PTPRD: variants seen among roughly 807,000 people sequenced by gnomAD.
PTPRD encodes the protein protein tyrosine phosphatase receptor type D, also known as receptor-type tyrosine-protein phosphatase delta.
In PTPRD, 34 loss-of-function variants were observed where a neutral mutation model predicts 214.5. The observed-to-expected ratio is 0.16, with a 90% CI of 0.12 to 0.21. The LOEUF (loss-of-function observed/expected upper bound fraction) is 0.21. Among genes scored for constraint, PTPRD ranks in the 10% least tolerant of loss-of-function variants. PTPRD has a pLI of 1.00. For missense variants in PTPRD, 2,545 were observed against 2,398.7 expected, an observed-to-expected ratio of 1.06 and a Z score of -1.27; for synonymous variants, 1,128 against 845.7, an observed-to-expected ratio of 1.33 and a Z score of -5.79.
At chr9:9,836,593 T>G (rs1229438556) in intron 5 of PTPRD, among the ~76,000 whole-genome samples, 1 of 152,092 alleles carries the variant, frequency 6.6e-6, no homozygotes, top group Non-Finnish European at 1.5e-5. Flanking sequence ...AACCTGAAAG[T>G]AATATCAATC....
At chr9:9,487,399 T>C (rs967579233) in intron 8 of PTPRD, among the ~76,000 whole-genome samples, 4 of 152,190 alleles carry the variant, frequency 2.6e-5, no homozygotes, top group Non-Finnish European at 5.9e-5. Flanking sequence ...CTCATCCTTT[T>C]TTATGGCTGC....
At chr9:10,012,372 T>A (rs1283966706) in intron 4 of PTPRD, among the ~76,000 whole-genome samples, 2 of 151,682 alleles carry the variant, frequency 1.3e-5, no homozygotes, top group Admixed American at 1.3e-4. Flanking sequence ...GAAAAAAAAA[T>A]CGTGTTTTCC....
At chr9:10,355,744 CTGGGA>C (rs2097265458) in intron 2 of PTPRD, among the ~76,000 whole-genome samples, 2 of 152,088 alleles carry the variant, frequency 1.3e-5, no homozygotes, top group Admixed American at 1.3e-4. Context: ...TCCCAAAGCG[CTGGGA>C]TTACAGGCGT....
At chr9:8,736,743 G>C (rs978987846) in intron 11 of PTPRD, among the ~76,000 whole-genome samples, 1 of 151,612 alleles carries the variant, frequency 6.6e-6, no homozygotes, top group African/African-American at 2.4e-5. Context: ...GAAGAAGCAA[G>C]TGGTACAGTG....
chr9:9,912,639 C>T (rs1441618527), intron 5 of PTPRD, among the ~76,000 whole-genome samples: 1 of 152,164 alleles, frequency 6.6e-6, no homozygotes. Context: ...GAGTTTGCAT[C>T]TCCCTCTGGT....
chr9:9,537,441 G>T (rs527420236), intron 8 of PTPRD, among the ~76,000 whole-genome samples: 1 of 151,870 alleles, frequency 6.6e-6, no homozygotes, highest in Non-Finnish European at 1.5e-5. Context: ...ACATTCAACA[G>T]CACATTTTCT....
At chr9:10,034,819 A>T (rs567540644) in intron 3 of PTPRD, among the ~76,000 whole-genome samples, 2 of 152,276 alleles carry the variant, frequency 1.3e-5, no homozygotes, top group East Asian at 3.9e-4. Flanking sequence ...TTCTTTATGC[A>T]GTCTATTATT....
intron 11 of PTPRD, among the ~76,000 whole-genome samples, chr9:8,884,844 T>C (rs10815984): frequency 0.17 from 25,316 of 152,198 alleles, 2,684 homozygotes; most frequent in Non-Finnish European, 0.23. Context: ...CCACTATGTG[T>C]TGGGCTTGCT....
intron 22 of PTPRD, among the ~76,000 whole-genome samples, chr9:8,504,670 C>T (rs1343554114): frequency 6.6e-6 from 1 of 152,194 alleles, no homozygotes; most frequent in Admixed American, 6.5e-5. Flanking sequence ...CCAAATACAT[C>T]AGATAAGACG....
At chr9:8,477,006 A>G (rs2096778759) in intron 30 of PTPRD, among the ~76,000 whole-genome samples, 1 of 152,174 alleles carries the variant, frequency 6.6e-6, no homozygotes, top group African/African-American at 2.4e-5. Context: ...CTAATCTCAC[A>G]GGACATTAAG....
Position 9,545,870 on chromosome 9 carries a change from T to G in PTPRD, c.-237+28862A>C, listed in dbSNP as rs1265389563. Reference sequence around the variant, plus strand: ...ATTTTGACTGAGATTGCATTGAGTCTATAGACGAATTTTAGAAAAAACAAC... The same window carrying G: ...ATTTTGACTGAGATTGCATTGAGTCGATAGACGAATTTTAGAAAAAACAAC... On this transcript the variant is annotated intron_variant, in intron 8 of 45. Transcript: ENST00000381196. Among the ~76,000 whole-genome samples, 2 of 151,848 alleles carry G rather than the reference T, an allele frequency of 1.3e-5. 1 individual carries two copies. The highest frequency in any genetic ancestry group is 2.9e-5 in the Non-Finnish European group (2 of 67,830).
chr9:9,538,084 T>G (rs1488487046), intron 8 of PTPRD, among the ~76,000 whole-genome samples: 1 of 151,850 alleles, frequency 6.6e-6, no homozygotes, highest in Admixed American at 6.6e-5. Flanking sequence ...CCAGACTTCT[T>G]GGTACACTTT....
intron 8 of PTPRD, among the ~76,000 whole-genome samples, chr9:9,560,678 C>T (rs1368869582): frequency 6.6e-6 from 1 of 152,206 alleles, no homozygotes; most frequent in Non-Finnish European, 1.5e-5. Flanking sequence ...CCAGCCCATG[C>T]TGAAGTCCAA....
At chr9:8,619,663 C>G (rs901172473) in intron 14 of PTPRD, among the ~76,000 whole-genome samples, 2 of 151,888 alleles carry the variant, frequency 1.3e-5, no homozygotes, top group Non-Finnish European at 1.5e-5. Flanking sequence ...TCTCAGAGCT[C>G]TCTTTCTACC....
chr9:8,596,725 G>C (rs1270832568), intron 14 of PTPRD, among the ~76,000 whole-genome samples: 1 of 152,064 alleles, frequency 6.6e-6, no homozygotes, highest in Non-Finnish European at 1.5e-5. Flanking sequence ...TAAAATCTGT[G>C]TTAAGAGTCC....
intron 2 of PTPRD, among the ~76,000 whole-genome samples, chr9:10,418,446 TACACACACACACACACACACACAC>T (rs3076350): frequency 4.0e-5 from 5 of 124,652 alleles, no homozygotes; most frequent in East Asian, 2.5e-4. Context: ...CCTTCCCCTC[TACACACACACACACACACACACAC>T]ACACACACAC....
intron 9 of PTPRD, among the ~76,000 whole-genome samples, chr9:9,208,695 C>G (rs376078226): frequency 2.6e-5 from 4 of 151,640 alleles, no homozygotes; most frequent in African/African-American, 9.7e-5. Context: ...AAAGAAGATA[C>G]GATAAAATTG....
intron 11 of PTPRD, among the ~76,000 whole-genome samples, chr9:8,775,909 A>T (rs1282053531): frequency 6.6e-6 from 1 of 152,226 alleles, no homozygotes; most frequent in Non-Finnish European, 1.5e-5. Flanking sequence ...ACTACTATTC[A>T]CATGAACAGC....
chr9:9,950,343 C>A (rs1304090428), intron 4 of PTPRD, among the ~76,000 whole-genome samples: 1 of 152,124 alleles, frequency 6.6e-6, no homozygotes, highest in African/African-American at 2.4e-5. Flanking sequence ...ACAACTTTGA[C>A]AAATGAGCTA....
Sources: gnomAD v4.1 joint callset for allele counts (sites outside exome capture counted in the v4.1 genomes callset) on GRCh38, gnomAD v4.1.1 for gene constraint, MANE v1.5 for transcripts, NCBI Gene and HGNC (gene_info 2026-07-23, HGNC 2026-07-21) for gene names.